Variants in SHANK2 observed in about 807,000 individuals in gnomAD.
The protein encoded by SHANK2 is SH3 and multiple ankyrin repeat domains protein 2.
Under a neutral mutation model 133.7 loss-of-function variants are expected in SHANK2, and 43 were observed. That is an observed-to-expected ratio of 0.32 (90% CI 0.25 to 0.41). The LOEUF is 0.41. SHANK2 is among the 10% of genes least tolerant of loss of function. SHANK2 has a pLI of 1.00. For synonymous variants in SHANK2, 1,017 were observed against 952.8 expected (o/e 1.07, Z -1.24); for missense variants, 1,994 against 2,235.8 (o/e 0.89, Z 2.18).
intron 2 of SHANK2, among the ~76,000 whole-genome samples, chr11:71,173,789 G>A (rs1016505253): frequency 2.0e-5 from 3 of 152,198 alleles, no homozygotes; most frequent in Admixed American, 2.0e-4. Context: ...TTATAAGGAG[G>A]GGAAATGATA....
chr11:70,588,069 A>G (rs1214054632), intron 17 of SHANK2, among the ~76,000 whole-genome samples: 15 of 152,216 alleles, frequency 9.9e-5, no homozygotes, highest in African/African-American at 3.6e-4. Flanking sequence ...CATATAAGAC[A>G]GAGAAATTAA....
rs782104736 is a variant in SHANK2, at chr11:70,501,929, C to T, written c.2281G>A (p.Asp761Asn). The change falls in exon 20 of 26, where the codon GAT (aspartate) becomes AAT (asparagine). Residue 761 changes from aspartate (D) to asparagine (N), a missense_variant and splice_region_variant. Asp to Asn is a conservative substitution (Grantham distance 23). Coordinates refer to ENST00000601538, the MANE Select transcript of SHANK2 (RefSeq NM_012309.5). ...SMTSELEELV[D>N]KASVRKKKDK... Reference sequence around the variant, plus strand: ...ACCCAGTGGGGCTGCTTACCTTTATCCACTAGTGAGAGGCCCAAAAATTCA... The same window carrying T: ...ACCCAGTGGGGCTGCTTACCTTTATTCACTAGTGAGAGGCCCAAAAATTCA... 6.4e-7 allele frequency: 1 copy of T among 1,559,564 alleles called. No individual in the cohort carries two copies. Among genetic ancestry groups the T allele is most frequent in the Non-Finnish European group, 8.7e-7 (1 of 1,151,020 alleles).
chr11:71,111,840 G>A (rs1305197925), intron 5 of SHANK2, among the ~76,000 whole-genome samples: 1 of 152,218 alleles, frequency 6.6e-6, no homozygotes, highest in African/African-American at 2.4e-5. Flanking sequence ...ATCAGAGGGT[G>A]ATAAAAAACA....
intron 3 of SHANK2, among the ~76,000 whole-genome samples, chr11:71,137,677 A>C (rs1952473562): frequency 6.6e-6 from 1 of 152,222 alleles, no homozygotes; most frequent in African/African-American, 2.4e-5. Flanking sequence ...AGAATGCAGC[A>C]GAAGGCAAAT....
chr11:70,652,161 G>A (rs576406869), intron 17 of SHANK2, among the ~76,000 whole-genome samples: 1 of 152,328 alleles, frequency 6.6e-6, no homozygotes, highest in South Asian at 2.1e-4. Context: ...ACAGAGAATT[G>A]TACAGGCTGG....
intron 8 of SHANK2, among the ~76,000 whole-genome samples, chr11:71,078,398 TA>T (rs1238840297): frequency 0.012 from 1,823 of 151,772 alleles, 36 homozygotes; most frequent in African/African-American, 0.042. Context: ...ATGGTAGGAT[TA>T]AAAAAAAATC....
chr11:70,783,320 G>A (rs142089630), intron 14 of SHANK2, among the ~76,000 whole-genome samples: 31 of 152,296 alleles, frequency 2.0e-4, no homozygotes, highest in African/African-American at 7.5e-4. Context: ...TGGGGTATGG[G>A]CGATGGAAGG....
chr11:70,950,425 A>C (rs1590866490), intron 10 of SHANK2, among the ~76,000 whole-genome samples: 1 of 152,250 alleles, frequency 6.6e-6, no homozygotes, highest in Admixed American at 6.5e-5. Context: ...TCCTGACCTC[A>C]GGTGATCCGC....
intron 17 of SHANK2, among the ~76,000 whole-genome samples, chr11:70,657,671 G>A (rs930455875): frequency 7.2e-5 from 11 of 152,206 alleles, no homozygotes; most frequent in Admixed American, 5.2e-4. Flanking sequence ...TAATGCAGGC[G>A]CAGCCCTAAT....
intron 2 of SHANK2, among the ~76,000 whole-genome samples, chr11:71,151,252 G>A (rs1952791880): frequency 6.7e-6 from 1 of 149,006 alleles, no homozygotes; most frequent in African/African-American, 2.6e-5. Flanking sequence ...CTCCCGGGGA[G>A]GCCACGGGCA....
intron 17 of SHANK2, among the ~76,000 whole-genome samples, chr11:70,659,276 C>T (rs2061449959): frequency 6.6e-6 from 1 of 152,160 alleles, no homozygotes; most frequent in Admixed American, 6.5e-5. Flanking sequence ...CCTAAGTTTC[C>T]TTTTTGCACC....
chr11:70,879,402 TTC>T (rs1192670955), intron 11 of SHANK2, among the ~76,000 whole-genome samples: 1 of 152,236 alleles, frequency 6.6e-6, no homozygotes, highest in Non-Finnish European at 1.5e-5. Flanking sequence ...GGACTCTCGA[TTC>T]TCTGTCTGAA....
intron 8 of SHANK2, among the ~76,000 whole-genome samples, chr11:71,085,183 A>C (rs1951361059): frequency 6.6e-6 from 1 of 152,062 alleles, no homozygotes; most frequent in African/African-American, 2.4e-5. Context: ...TAGGCTAGGC[A>C]TGGTGGCTCA....
intron 3 of SHANK2, among the ~76,000 whole-genome samples, chr11:71,136,787 G>A (rs1555104839): frequency 6.6e-6 from 1 of 152,176 alleles, no homozygotes; most frequent in Non-Finnish European, 1.5e-5. Context: ...CCAGCATAAG[G>A]GATGGAAACC....
chr11:70,593,897 T>C (rs1273338413), intron 17 of SHANK2, among the ~76,000 whole-genome samples: 1 of 152,198 alleles, frequency 6.6e-6, no homozygotes, highest in African/African-American at 2.4e-5. Context: ...TTCTAGGCTC[T>C]GGTGATACAA....
chr11:71,153,918 C>G (rs576247480), intron 2 of SHANK2, among the ~76,000 whole-genome samples: 1 of 151,978 alleles, frequency 6.6e-6, no homozygotes, highest in East Asian at 1.9e-4. Flanking sequence ...TGTAGTGAGC[C>G]GAGATCGTAC....
chr11:71,217,600 T>C (rs1555120176), intron 2 of SHANK2, among the ~76,000 whole-genome samples: 1 of 152,142 alleles, frequency 6.6e-6, no homozygotes, highest in Non-Finnish European at 1.5e-5. Flanking sequence ...GCTCCACGCA[T>C]GTTACTGCCC....
intron 14 of SHANK2, among the ~76,000 whole-genome samples, chr11:70,758,662 C>T (rs1379627582): frequency 5.9e-5 from 9 of 152,210 alleles, no homozygotes; most frequent in Admixed American, 1.3e-4. Flanking sequence ...GCTCTAAGAA[C>T]AAGGATCCCC....
At chr11:70,822,871 G>T (rs3017496) in intron 11 of SHANK2, among the ~76,000 whole-genome samples, 1 of 36,906 alleles carries the variant, frequency 2.7e-5, no homozygotes, top group African/African-American at 1.2e-4. Flanking sequence ...GTCACGGGGG[G>T]CAGAGGTGGC....
Sources: gnomAD v4.1 joint callset for allele counts (sites outside exome capture counted in the v4.1 genomes callset) on GRCh38, gnomAD v4.1.1 for gene constraint, MANE v1.5 for transcripts, NCBI Gene and HGNC (gene_info 2026-07-23, HGNC 2026-07-21) for gene names.